The following NEK11 variants were observed in gnomAD, a reference collection of about 807,000 sequenced individuals.
NEK11 encodes NIMA related kinase 11.
A neutral mutation model predicts 80.7 loss-of-function variants in NEK11; 72 were observed. The observed-to-expected ratio is 0.89, with a 90% CI of 0.74 to 1.08. The LOEUF is 1.08. Among genes scored for constraint, NEK11 ranks in the 50% least tolerant of loss-of-function variants. The probability of loss-of-function intolerance (pLI) is 0.00; values close to 1 mark genes in which losing one functional copy is unlikely to be tolerated. For missense variants in NEK11, 764 were observed against 763.6 expected, an observed-to-expected ratio of 1.00 and a Z score of -0.01; for synonymous variants, 251 against 260.7, an observed-to-expected ratio of 0.96 and a Z score of 0.36.
rs910502159 is a variant in NEK11, at chr3:131,350,026, G to C, written c.*250G>C. 10 of 452,850 alleles carry C rather than the reference G, an allele frequency of 2.2e-5. No individual in the cohort carries two copies. Among genetic ancestry groups the C allele is most frequent in the Non-Finnish European group, 3.2e-5 (8 of 250,612 alleles). The allele number at this position is 452,850 out of a possible 1,614,324, so 28.1% of individuals were successfully genotyped here. A position where few individuals can be genotyped will look rare whatever the true frequency, so the allele number is the denominator to read the frequency against. On this transcript the variant is annotated 3_prime_UTR_variant, in exon 18 of 18. Coordinates refer to ENST00000383366, the MANE Select transcript of NEK11 (RefSeq NM_024800.5). ...AGATCAAGTTTGGCTCCCTTGAAAA[G>C]CATTTCTCTCATGTGCGCCCTCAGG...
chr3:131,069,455 G>A (rs1277111541), intron 3 of NEK11, among the ~76,000 whole-genome samples: 1 of 152,068 alleles, frequency 6.6e-6, no homozygotes, highest in Admixed American at 6.6e-5. Flanking sequence ...AATACCATTT[G>A]ACCCAGCCAT....
At chr3:131,083,062 C>T (rs931949951) in intron 4 of NEK11, among the ~76,000 whole-genome samples, 4 of 152,204 alleles carry the variant, frequency 2.6e-5, no homozygotes, top group Non-Finnish European at 5.9e-5. Flanking sequence ...GCTAGAAATA[C>T]AAATTCTTTG....
intron 14 of NEK11, among the ~76,000 whole-genome samples, chr3:131,214,129 C>A (rs962391013): frequency 6.6e-6 from 1 of 152,218 alleles, no homozygotes; most frequent in African/African-American, 2.4e-5. Context: ...AAATAAATTT[C>A]TGTTGTTTAA....
chr3:131,066,713 A>G (rs544479590), intron 3 of NEK11, among the ~76,000 whole-genome samples: 2 of 152,038 alleles, frequency 1.3e-5, no homozygotes, highest in East Asian at 1.9e-4. Flanking sequence ...ATGGTGGCAC[A>G]TGCCTGTAAT....
At chr3:131,346,631 T>C (rs1297251869) in intron 17 of NEK11, among the ~76,000 whole-genome samples, 1 of 152,096 alleles carries the variant, frequency 6.6e-6, no homozygotes, top group Non-Finnish European at 1.5e-5. Flanking sequence ...GTTATGATGA[T>C]GGGCCATGAA....
intron 7 of NEK11, among the ~76,000 whole-genome samples, chr3:131,135,417 C>G (rs2085374243): frequency 6.6e-6 from 1 of 152,108 alleles, no homozygotes; most frequent in South Asian, 2.1e-4. Flanking sequence ...CCAAATAAAA[C>G]CAAACATCAC....
At chr3:131,050,446 A>G (rs1264844021) in intron 3 of NEK11, among the ~76,000 whole-genome samples, 3 of 152,174 alleles carry the variant, frequency 2.0e-5, no homozygotes, top group African/African-American at 7.2e-5. Context: ...TTCTGGCCTC[A>G]TTTATACCTA....
chr3:131,087,321 G>A (rs2076122015), intron 4 of NEK11, among the ~76,000 whole-genome samples: 1 of 136,616 alleles, frequency 7.3e-6, no homozygotes, highest in Non-Finnish European at 1.5e-5. Flanking sequence ...TCAGCTCACT[G>A]CAACCTCTGC....
intron 3 of NEK11, among the ~76,000 whole-genome samples, chr3:131,031,296 T>TA (rs1386627208): frequency 2.0e-5 from 3 of 152,354 alleles, no homozygotes; most frequent in Admixed American, 6.5e-5. Flanking sequence ...GAACATGCAT[T>TA]ATGATTCCTG....
chr3:131,145,613 G>A (rs563343548), intron 7 of NEK11, among the ~76,000 whole-genome samples: 1 of 152,196 alleles, frequency 6.6e-6, no homozygotes, highest in South Asian at 2.1e-4. Context: ...CTGCTTAAAA[G>A]GCTCTGTCAG....
chr3:131,319,575 G>A (rs1043610049), intron 17 of NEK11, among the ~76,000 whole-genome samples: 5 of 152,162 alleles, frequency 3.3e-5, no homozygotes, highest in Non-Finnish European at 5.9e-5. Context: ...TAGAGTGGTG[G>A]TAACTTGGTG....
At chr3:131,279,826 A>C (rs77484240) in intron 17 of NEK11, among the ~76,000 whole-genome samples, 2,534 of 152,200 alleles carry the variant, frequency 0.017, 68 homozygotes, top group African/African-American at 0.057. Flanking sequence ...TCACAAGGAG[A>C]CTCAGGTCTG....
intron 14 of NEK11, among the ~76,000 whole-genome samples, chr3:131,223,077 C>T (rs1279769967): frequency 1.3e-5 from 2 of 152,164 alleles, no homozygotes; most frequent in Non-Finnish European, 2.9e-5. Context: ...CTCCAGTATA[C>T]CCATTATGAG....
intron 7 of NEK11, among the ~76,000 whole-genome samples, chr3:131,143,466 T>C (rs1424366240): frequency 6.6e-6 from 1 of 151,994 alleles, no homozygotes; most frequent in Non-Finnish European, 1.5e-5. Flanking sequence ...GGCTTTATAA[T>C]AAATTATTAT....
At chr3:131,212,374 C>T (rs2094656891) in intron 14 of NEK11, among the ~76,000 whole-genome samples, 2 of 152,308 alleles carry the variant, frequency 1.3e-5, no homozygotes, top group Non-Finnish European at 2.9e-5. Flanking sequence ...CTCAGAGGGG[C>T]ACCCGGCTGT....
intron 15 of NEK11, among the ~76,000 whole-genome samples, chr3:131,236,106 A>G (rs1050822387): frequency 2.0e-5 from 3 of 152,238 alleles, no homozygotes; most frequent in African/African-American, 7.2e-5. Flanking sequence ...TATCTTTTGG[A>G]CTGAAAAATT....
At chr3:131,276,238 A>T (rs1020101352) in intron 17 of NEK11, among the ~76,000 whole-genome samples, 1 of 152,260 alleles carries the variant, frequency 6.6e-6, no homozygotes, top group Non-Finnish European at 1.5e-5. Flanking sequence ...CCCAGGAAGC[A>T]TACTCAGAGA....
chr3:131,303,223 T>C (rs2096681536), intron 17 of NEK11, among the ~76,000 whole-genome samples: 1 of 152,200 alleles, frequency 6.6e-6, no homozygotes, highest in African/African-American at 2.4e-5. Flanking sequence ...ATGTGTGCCA[T>C]TGCATGTGAG....
intron 14 of NEK11, among the ~76,000 whole-genome samples, chr3:131,201,989 C>T (rs1425975673): frequency 6.6e-6 from 1 of 152,090 alleles, no homozygotes; most frequent in African/African-American, 2.4e-5. Flanking sequence ...TGTGCACAAC[C>T]ACACCTGGCT....
Sources: allele counts gnomAD v4.1 joint callset (sites outside exome capture counted in the v4.1 genomes callset), GRCh38; gene constraint gnomAD v4.1.1; transcripts MANE v1.5; gene names NCBI Gene and HGNC (gene_info 2026-07-23, HGNC 2026-07-21).